CLDND1: variants seen among roughly 807,000 people sequenced by gnomAD.
The protein encoded by CLDND1 is claudin domain-containing protein 1.
Under a neutral mutation model 26.3 loss-of-function variants are expected in CLDND1, and 13 were observed. The ratio of observed to expected loss-of-function variants is 0.49; its 90% CI spans 0.32 to 0.78. The LOEUF is 0.78. Among genes scored for constraint, CLDND1 ranks in the 30% least tolerant of loss-of-function variants. CLDND1 has a pLI of 0.03. For missense variants in CLDND1, 289 were observed against 312.8 expected, an observed-to-expected ratio of 0.92 and a Z score of 0.57; for synonymous variants, 107 against 107.0, an observed-to-expected ratio of 1.00 and a Z score of 0.00.
At chr3:98,519,921 T>G (rs1218534857) in intron 2 of CLDND1, among the ~76,000 whole-genome samples, 1 of 152,248 alleles carries the variant, frequency 6.6e-6, no homozygotes, top group Non-Finnish European at 1.5e-5. Flanking sequence ...GAGACCTACT[T>G]TAAGTATCCT....
At position 98,516,663 on chromosome 3, in the gene CLDND1, G is replaced by A; in HGVS notation, c.758C>T (p.Ala253Val). The A allele has an allele frequency of 6.2e-7, 1 of 1,612,896 alleles. No homozygotes were observed. The highest frequency in any genetic ancestry group is 8.5e-7 in the Non-Finnish European group (1 of 1,179,522). Residue 253 changes from alanine to valine, a missense_variant, in exon 5 of 5, where the codon GCA becomes GTA. By Grantham distance (64) the Ala-to-Val change is moderately conservative. Transcript: ENST00000341181. ...GTAAAGCAGGCAGTTTCTTGCTCATGCCACACGATATGCCTTCATTAAGGT... is the reference window on the plus strand; with the variant it reads ...GTAAAGCAGGCAGTTTCTTGCTCATACCACACGATATGCCTTCATTAAGGT... ...EYTLMKAYRVA is the reference protein window; with the variant it reads ...EYTLMKAYRVV
At position 98,521,234 on chromosome 3, in the gene CLDND1, TAA is replaced by T; in HGVS notation, c.189_190del (p.Tyr64Ter). 1 of 1,614,254 alleles carries T rather than the reference TAA, an allele frequency of 6.2e-7. No individual in the cohort carries two copies. Among genetic ancestry groups the T allele is most frequent in the Non-Finnish European group, 8.5e-7 (1 of 1,180,038 alleles). On this transcript the variant is annotated frameshift_variant, in exon 2 of 5. Transcript: ENST00000341181. LOFTEE classifies it high-confidence loss of function. ...ATTGTATCGAAAAAGTGCATCATTA[TAA>T]GTCTTTTCATCTGCCTCATCACTAA... is the stretch of plus-strand genomic sequence containing the variant.
Position 98,521,294 on chromosome 3 carries a change from C to T in CLDND1, c.131G>A (p.Ser44Asn). Residue 44 changes from serine to asparagine, a missense_variant, in exon 2 of 5, where the codon AGT (serine) becomes AAT (asparagine). Ser to Asn is a conservative substitution (Grantham distance 46). Transcript: ENST00000341181. ...ATCCCAGATGCTTTTATTCAAATCA[C>T]TGGAATTTTCTTGAACTGGACTTCG... ...EYRSPVQENS[S>N]DLNKSIWDEF... The T allele has an allele frequency of 6.2e-7, 1 of 1,614,196 alleles. No individual in the cohort carries two copies. The highest frequency in any genetic ancestry group is 8.5e-7 in the Non-Finnish European group (1 of 1,180,040).
rs577363480 is a variant in CLDND1, at chr3:98,517,755, T to C, written c.404-566A>G. 2.0e-5 allele frequency among the ~76,000 whole-genome samples: 3 copies of C among 152,272 alleles called. No individual in the cohort carries two copies. The East Asian group carries it at 5.8e-4, about 29-fold the overall frequency. ...AGGGGGTCCTGAATCCAATCCCCCA[T>C]AGCTACAGCTGTATTATTATTAATT... On this transcript the variant is annotated intron_variant, in intron 3 of 4. Coordinates refer to ENST00000341181, the MANE Select transcript of CLDND1 (RefSeq NM_001040181.2).
At chr3:98,517,290 A>C in intron 3 of CLDND1, 101 bp from the exon 4 acceptor site, 1 of 1,352,832 alleles carries the variant, frequency 7.4e-7, no homozygotes, top group African/African-American at 1.5e-5. Flanking sequence ...TTTTCTCAAA[A>C]AGTGTGAAAG....
At position 98,520,987 on chromosome 3, in the gene CLDND1, G is replaced by A. The variant is rs1706383179; in HGVS notation, c.292+146C>T. On this transcript the variant is annotated intron_variant, in intron 2 of 4. Transcript: ENST00000341181. ...TAATGCAAAGAAGTTGGGGAGAGAA[G>A]GCAGTAGAAAGAGAAGATACACGAT... The A allele has an allele frequency of 1.2e-5, 8 of 683,104 alleles. No homozygotes were observed. The East Asian group carries it at 2.1e-4, about 18-fold the overall frequency. The allele number at this position is 683,104 out of a possible 1,614,324, so 42.3% of individuals were successfully genotyped here. A position where few individuals can be genotyped will look rare whatever the true frequency, so the allele number is the denominator to read the frequency against.
chr3:98,521,843 G>T, intron 1 of CLDND1: 1 of 674,968 alleles, frequency 1.5e-6, no homozygotes, highest in Non-Finnish European at 2.5e-6. Flanking sequence ...AAGTGTTCTG[G>T]GTTTGAGTGT....
chr3:98,522,627 G>A, intron 1 of CLDND1: 4 of 1,392,054 alleles, frequency 2.9e-6, no homozygotes, highest in Non-Finnish European at 3.7e-6. Context: ...GGCGGGGCCG[G>A]AGAAGGCCAG....
Position 98,520,941 on chromosome 3 carries a change from C to T in CLDND1, c.292+192G>A, listed in dbSNP as rs566121128. 430 of 497,312 alleles carry T rather than the reference C, an allele frequency of 8.6e-4. 2 individuals carry two copies. Among genetic ancestry groups the T allele is most frequent in the East Asian group, 4.0e-3 (131 of 32,386 alleles). The allele number at this position is 497,312 out of a possible 1,614,324, so 30.8% of individuals were successfully genotyped here. A position where few individuals can be genotyped will look rare whatever the true frequency, so the allele number is the denominator to read the frequency against. On this transcript the variant is annotated intron_variant, in intron 2 of 4. Transcript: ENST00000341181. The stretch of plus-strand genomic sequence containing the variant: ...AGATAAGAAAAGTTCCTCATCCAAC[C>T]AATATTGATGAGTACCATGGTAATG...
rs141592597 is a variant in CLDND1, at chr3:98,518,937, C to A, written c.351G>T (p.Glu117Asp). 49 of 1,613,892 alleles carry A rather than the reference C, an allele frequency of 3.0e-5. No individual in the cohort carries two copies. The African/African-American group carries it at 5.6e-4, about 18-fold the overall frequency. The change falls in exon 3 of 5, where the codon GAG (glutamate) becomes GAT (aspartate). Residue 117 changes from glutamate (E) to aspartate (D), a missense_variant. By Grantham distance (45) the Glu-to-Asp change is conservative (BLOSUM62 2). Transcript: ENST00000341181. ...VSFTLTEQFM[E>D]KFVDPGNHNS... ...TGTGGTTTCCGGGATCAACAAATTT[C>A]TCCATGAACTGCTCAGTTAGTGTGA... is the stretch of plus-strand genomic sequence containing the variant.
In CLDND1 at chr3:98,517,356, T is replaced by C. The variant is rs1706188373; in HGVS notation, c.404-167A>G. 9 of 749,346 alleles carry C rather than the reference T, an allele frequency of 1.2e-5. No homozygotes were observed. In the South Asian group the frequency reaches 1.4e-4, roughly 11 times the overall value. 46.4% of individuals were successfully genotyped at this position (749,346 alleles called of 1,614,324 possible). On this transcript the variant is annotated intron_variant, in intron 3 of 4. Transcript: ENST00000341181. Reference sequence around the variant, plus strand: ...CACATTATTCAAAAGGATGCTACTCTTGTCCTGATAAAAGTAAAAGGACAC... The same window carrying C: ...CACATTATTCAAAAGGATGCTACTCCTGTCCTGATAAAAGTAAAAGGACAC...
chr3:98,516,770 G>A lies in CLDND1; in HGVS notation c.651C>T (p.Cys217=), dbSNP rs780688644. The change falls in exon 5 of 5, where the codon TGC becomes TGT. Residue 217 remains cysteine (C), a synonymous_variant. Transcript: ENST00000341181. ...GTAAGGGAGCAGAGACACAAGCCAG[G>A]CAGAAGGACCATCCAAATTCACCGG... ...NVSGEFGWSF[C]LACVSAPLQF... 5 of 1,614,136 alleles carry A rather than the reference G, an allele frequency of 3.1e-6. No individual in the cohort carries two copies. The highest frequency in any genetic ancestry group is 2.2e-5 in the East Asian group (1 of 44,886).
chr3:98,517,305 T>C (rs1368693351), intron 3 of CLDND1, 116 bp from the exon 4 acceptor site: 6 of 1,246,226 alleles, frequency 4.8e-6, no homozygotes, highest in Non-Finnish European at 6.6e-6. Context: ...TGAAAGTATT[T>C]TAACATTGAG....
At chr3:98,522,274 G>C (rs1025172297) in intron 1 of CLDND1, 2 of 158,608 alleles carry the variant, frequency 1.3e-5, no homozygotes, top group African/African-American at 4.8e-5. Flanking sequence ...GGCGTGGACA[G>C]GGCTCAACGG....
intron 2 of CLDND1, among the ~76,000 whole-genome samples, chr3:98,519,379 C>T (rs1439728065): frequency 6.6e-6 from 1 of 152,190 alleles, no homozygotes. Context: ...GTTCCTCAGA[C>T]CAGAAACTTT....
chr3:98,522,672 C>G (rs890293503), intron 1 of CLDND1, 177 bp downstream of exon 1: 9 of 1,439,518 alleles, frequency 6.3e-6, no homozygotes, highest in Admixed American at 2.8e-5. Flanking sequence ...GGCCCCGGGC[C>G]AGGGTCCCCC....
At chr3:98,521,048 G>A in intron 2 of CLDND1, 85 bp downstream of exon 2, 1 of 1,178,480 alleles carries the variant, frequency 8.5e-7, no homozygotes, top group Non-Finnish European at 1.2e-6. Context: ...CAACAAACCT[G>A]CTTACATGTA....
Position 98,515,661 on chromosome 3 carries a change from A to C in CLDND1, c.*998T>G. On this transcript the variant is annotated 3_prime_UTR_variant, in exon 5 of 5. Coordinates refer to ENST00000341181, the MANE Select transcript of CLDND1 (RefSeq NM_001040181.2). ...AAAATGACTGAATTAGAAGACATTA[A>C]ATAATGTTGATACACACCAGGAAGG... The C allele has an allele frequency of 8.1e-7, 1 of 1,236,950 alleles. No homozygotes were observed. The highest frequency in any genetic ancestry group is 1.0e-6 in the Non-Finnish European group (1 of 963,604). 76.6% of individuals were successfully genotyped at this position (1,236,950 alleles called of 1,614,324 possible). A position where few individuals can be genotyped will look rare whatever the true frequency, so the allele number is the denominator to read the frequency against.
chr3:98,517,053 T>C lies in CLDND1; in HGVS notation c.540A>G (p.Ala180=). Residue 180 remains alanine (A), a splice_region_variant and synonymous_variant, in exon 4 of 5, where the codon GCA becomes GCG. Coordinates refer to ENST00000341181, the MANE Select transcript of CLDND1 (RefSeq NM_001040181.2). ...TIATGILHLL[A]GLCTLGSVSC... ...GGTAAGTATGATGACAAAACCTACC[T>C]GCAAGGAGATGGAGAATGCCCGTGG... is the stretch of plus-strand genomic sequence containing the variant. The C allele has an allele frequency of 6.2e-7, 1 of 1,613,890 alleles. No homozygotes were observed. The highest frequency in any genetic ancestry group is 8.5e-7 in the Non-Finnish European group (1 of 1,179,930).
Sources: allele counts gnomAD v4.1 joint callset (sites outside exome capture counted in the v4.1 genomes callset), GRCh38; gene constraint gnomAD v4.1.1; transcripts MANE v1.5; gene names NCBI Gene and HGNC (gene_info 2026-07-23, HGNC 2026-07-21).